The following RSPO2 variants were observed in gnomAD, a reference collection of about 807,000 sequenced individuals.
The protein encoded by RSPO2 is R-spondin-2.
RSPO2 carries 14 observed loss-of-function variants against 30.9 expected under a neutral mutation model. The ratio of observed to expected loss-of-function variants is 0.45; its 90% CI spans 0.30 to 0.71. The LOEUF is 0.71. Among genes scored for constraint, RSPO2 ranks in the 30% least tolerant of loss-of-function variants. RSPO2 has a pLI of 0.08. For synonymous variants in RSPO2, 107 were observed against 96.4 expected (o/e 1.11, Z -0.64); for missense variants, 264 against 301.9 (o/e 0.87, Z 0.93).
At chr8:107,943,211 G>A (rs375568837) in intron 5 of RSPO2, among the ~76,000 whole-genome samples, 8 of 152,168 alleles carry the variant, frequency 5.3e-5, no homozygotes, top group South Asian at 4.1e-4. Flanking sequence ...GCACACATGC[G>A]TGCGTGCGCG....
At chr8:107,940,781 T>C (rs1412556117) in intron 5 of RSPO2, among the ~76,000 whole-genome samples, 4 of 152,186 alleles carry the variant, frequency 2.6e-5, no homozygotes, top group Non-Finnish European at 5.9e-5. Context: ...ATTTGCAAAA[T>C]TTTAACCAAT....
At chr8:108,044,988 A>G (rs1299454868) in intron 2 of RSPO2, among the ~76,000 whole-genome samples, 1 of 152,190 alleles carries the variant, frequency 6.6e-6, no homozygotes, top group Non-Finnish European at 1.5e-5. Flanking sequence ...CGAAGAACCT[A>G]GGAAATACTG....
chr8:107,983,133 A>C (rs1466247100), intron 3 of RSPO2: 2 of 1,466,630 alleles, frequency 1.4e-6, no homozygotes, highest in Non-Finnish European at 1.8e-6. Context: ...GTAATGAAGG[A>C]CCCCTCAACC....
intron 2 of RSPO2, among the ~76,000 whole-genome samples, chr8:108,082,310 C>T (rs2130743261): frequency 6.6e-6 from 1 of 152,326 alleles, no homozygotes; most frequent in Admixed American, 6.5e-5. Context: ...CCGATTGGCG[C>T]CCGGCTCGCC....
At position 108,016,212 on chromosome 8, in the gene RSPO2, C is replaced by T. The variant is rs550917481; in HGVS notation, c.95-26968G>A. 4.6e-5 allele frequency among the ~76,000 whole-genome samples: 7 copies of T among 152,258 alleles called. No homozygotes were observed. The South Asian group carries it at 1.2e-3, about 27-fold the overall frequency. ...TATAGGGTCTCAAATATATATATCC[C>T]AGGTATCCTTTCTTGGTAAGCTATT... On this transcript the variant is annotated intron_variant, in intron 2 of 5. Coordinates refer to ENST00000276659, the MANE Select transcript of RSPO2 (RefSeq NM_178565.5).
chr8:108,082,756 C>G lies in RSPO2; in HGVS notation c.-118G>C, dbSNP rs1441124226. On this transcript the variant is annotated 5_prime_UTR_variant, in exon 2 of 6. Transcript: ENST00000276659. ...ACTCAGAGGGAGACTCGCCACTCAC[C>G]CCCGGGCCGCACCGGTCAGTTCAGC... 1 of 749,006 alleles carries G rather than the reference C, an allele frequency of 1.3e-6. No homozygotes were observed. Among genetic ancestry groups the G allele is most frequent in the African/African-American group, 1.7e-5 (1 of 57,608 alleles). The allele number at this position is 749,006 out of a possible 1,614,324, so 46.4% of individuals were successfully genotyped here. A position where few individuals can be genotyped will look rare whatever the true frequency, so the allele number is the denominator to read the frequency against.
At chr8:107,933,147 A>G (rs1374443727) in intron 5 of RSPO2, among the ~76,000 whole-genome samples, 3 of 152,140 alleles carry the variant, frequency 2.0e-5, no homozygotes, top group Non-Finnish European at 4.4e-5. Context: ...TCTCATCAAC[A>G]CTGCCTAATG....
intron 2 of RSPO2, among the ~76,000 whole-genome samples, chr8:108,059,161 T>G (rs200970072): frequency 4.7e-5 from 7 of 149,834 alleles, no homozygotes; most frequent in African/African-American, 1.2e-4. Flanking sequence ...AAGAAAAAAA[T>G]AAACAACCCC....
intron 2 of RSPO2, among the ~76,000 whole-genome samples, chr8:108,042,725 CTGGGGCAACAA>C (rs1811795466): frequency 6.6e-6 from 1 of 152,074 alleles, no homozygotes; most frequent in South Asian, 2.1e-4. Flanking sequence ...GGCTTTACGG[CTGGGGCAACAA>C]TGGCCCAACA....
chr8:107,964,321 C>A (rs369866812), intron 3 of RSPO2, among the ~76,000 whole-genome samples: 5 of 152,336 alleles, frequency 3.3e-5, no homozygotes, highest in Admixed American at 6.5e-5. Flanking sequence ...CGGCTCACTG[C>A]GACCTCTGCC....
At chr8:107,927,405 T>C (rs1328522810) in intron 5 of RSPO2, among the ~76,000 whole-genome samples, 15 of 152,296 alleles carry the variant, frequency 9.8e-5, no homozygotes, top group South Asian at 2.1e-4. Flanking sequence ...TCCTGCCTGA[T>C]TGCCCTGGCC....
At chr8:108,001,939 C>T (rs1029919982) in intron 2 of RSPO2, among the ~76,000 whole-genome samples, 8 of 152,130 alleles carry the variant, frequency 5.3e-5, no homozygotes, top group Middle Eastern at 3.4e-3. Context: ...TAACGCATGC[C>T]GGGCTTAAAA....
chr8:107,927,522 T>G (rs1202937292), intron 5 of RSPO2, among the ~76,000 whole-genome samples: 3 of 152,168 alleles, frequency 2.0e-5, no homozygotes, highest in Non-Finnish European at 2.9e-5. Context: ...AGTATGATAT[T>G]GGCTGTGGGT....
chr8:108,039,265 T>C (rs1277976030), intron 2 of RSPO2, among the ~76,000 whole-genome samples: 1 of 152,214 alleles, frequency 6.6e-6, no homozygotes, highest in Admixed American at 6.5e-5. Flanking sequence ...CCTCCCCCTT[T>C]TACTTGCAGC....
At position 108,037,120 on chromosome 8, in the gene RSPO2, G is replaced by T. The variant is rs199874864; in HGVS notation, c.94+45425C>A. Among the ~76,000 whole-genome samples, 13 of 152,120 alleles carry T rather than the reference G, an allele frequency of 8.5e-5. No homozygotes were observed. The East Asian group carries it at 2.5e-3, about 29-fold the overall frequency. On this transcript the variant is annotated intron_variant, in intron 2 of 5. Transcript: ENST00000276659. ...TCTCACTTTAAATAAAAAACTAGAC[G>T]TGATTAAGCTTAGTGAGCAGGGCAT...
chr8:108,052,877 C>T (rs115236676), intron 2 of RSPO2, among the ~76,000 whole-genome samples: 2 of 151,830 alleles, frequency 1.3e-5, no homozygotes, highest in Admixed American at 6.6e-5. Context: ...ATTGGTAGAA[C>T]GGCTCTTGGG....
intron 2 of RSPO2, among the ~76,000 whole-genome samples, chr8:108,005,589 G>A (rs377561144): frequency 1.3e-5 from 2 of 152,052 alleles, no homozygotes; most frequent in East Asian, 1.9e-4. Flanking sequence ...GTTATTCAAT[G>A]GGCTATAGGC....
chr8:108,071,592 T>C (rs1048826427), intron 2 of RSPO2, among the ~76,000 whole-genome samples: 13 of 152,364 alleles, frequency 8.5e-5, no homozygotes, highest in South Asian at 2.1e-4. Context: ...CTGATTTTTC[T>C]GAAGTCCTTG....
chr8:108,048,327 C>A (rs1383704916), intron 2 of RSPO2, among the ~76,000 whole-genome samples: 2 of 151,556 alleles, frequency 1.3e-5, no homozygotes, highest in African/African-American at 4.9e-5. Context: ...CCTCTACTGC[C>A]CTTTGCATCC....
Sources: gnomAD v4.1 joint callset for allele counts (sites outside exome capture counted in the v4.1 genomes callset) on GRCh38, gnomAD v4.1.1 for gene constraint, MANE v1.5 for transcripts, NCBI Gene and HGNC (gene_info 2026-07-23, HGNC 2026-07-21) for gene names.